WDFY4: variants seen among roughly 807,000 people sequenced by gnomAD.
The protein encoded by WDFY4 is WDFY family member 4.
In WDFY4, 169 loss-of-function variants were observed where a neutral mutation model predicts 351.9. The observed-to-expected ratio is 0.48, with a 90% CI of 0.42 to 0.55. The LOEUF is 0.55. Ranked by LOEUF, WDFY4 falls within the 20% of genes least tolerant of loss-of-function variation. The probability of loss-of-function intolerance (pLI) is 0.00; values close to 1 mark genes in which losing one functional copy is unlikely to be tolerated. For missense variants in WDFY4, 3,803 were observed against 3,935.6 expected (o/e 0.97, Z 0.90); for synonymous variants, 1,622 against 1,574.6 (o/e 1.03, Z -0.71).
intron 5 of WDFY4, among the ~76,000 whole-genome samples, chr10:48,724,365 C>T (rs549485655): frequency 1.8e-4 from 27 of 152,272 alleles, no homozygotes; most frequent in Admixed American, 7.8e-4. Context: ...GACGAATTCC[C>T]AAGCCCATTC....
intron 39 of WDFY4, among the ~76,000 whole-genome samples, chr10:48,837,005 A>G (rs1436014775): frequency 1.3e-5 from 2 of 152,224 alleles, no homozygotes; most frequent in African/African-American, 4.8e-5. Context: ...TTTGACAGGT[A>G]CACCATGGCA....
chr10:48,933,125 G>A (rs1202391966), intron 47 of WDFY4, among the ~76,000 whole-genome samples: 1 of 152,196 alleles, frequency 6.6e-6, no homozygotes, highest in African/African-American at 2.4e-5. Context: ...GAGGGACCAT[G>A]TGGATCCAGG....
Position 48,976,916 on chromosome 10 carries a change from G to A in WDFY4, c.9228G>A (p.Met3076Ile), listed in dbSNP as rs1392592072. The change falls in exon 59 of 62, where the codon ATG (methionine) becomes ATA (isoleucine). Residue 3076 changes from methionine to isoleucine, a missense_variant. Physicochemically the swap from Met to Ile is conservative, Grantham distance 10. Transcript: ENST00000325239. ...PEGAITCCCLMEGPAWDTSQI... is the reference protein window; with the variant it reads ...PEGAITCCCLIEGPAWDTSQI... Reference sequence around the variant, plus strand: ...GAGCCATAACCTGCTGCTGCCTGATGGAGGGCCCAGCATGGGACACAAGCC... The same window carrying A: ...GAGCCATAACCTGCTGCTGCCTGATAGAGGGCCCAGCATGGGACACAAGCC... 3 of 1,537,544 alleles carry A rather than the reference G, an allele frequency of 2.0e-6. No individual in the cohort carries two copies. Among genetic ancestry groups the A allele is most frequent in the Non-Finnish European group, 2.6e-6 (3 of 1,139,030 alleles).
chr10:48,830,960 A>G (rs1315522586), intron 38 of WDFY4, 75 bp downstream of exon 38: 1 of 1,440,396 alleles, frequency 6.9e-7, no homozygotes, highest in Non-Finnish European at 9.4e-7. Flanking sequence ...GGTTCAACTC[A>G]GTGCCTAGAG....
At chr10:48,711,026 G>A (rs1321358312) in intron 2 of WDFY4, among the ~76,000 whole-genome samples, 1 of 152,330 alleles carries the variant, frequency 6.6e-6, no homozygotes. Context: ...TCAAAGCAGA[G>A]AGAACAAGAG....
chr10:48,724,950 A>G (rs1167619885), intron 5 of WDFY4, among the ~76,000 whole-genome samples: 1 of 152,186 alleles, frequency 6.6e-6, no homozygotes, highest in Non-Finnish European at 1.5e-5. Context: ...TTTTATTTGT[A>G]TGAGAGAAAT....
At position 48,982,754 on chromosome 10, in the gene WDFY4, C is replaced by T. The variant is rs1054553; in HGVS notation, c.*179C>T. 0.031 allele frequency: 20,279 copies of T among 644,998 alleles called. 421 individuals carry two copies. The highest frequency in any genetic ancestry group is 0.067 in the Middle Eastern group (265 of 3,984). 40.0% of individuals were successfully genotyped at this position (644,998 alleles called of 1,614,324 possible). A position where few individuals can be genotyped will look rare whatever the true frequency, so the allele number is the denominator to read the frequency against. ...CCAACCCTCTCCATGGCCGATGGGA[C>T]TTCTATGAAAAGGATGAGCACACAC... On this transcript the variant is annotated 3_prime_UTR_variant, in exon 62 of 62. Coordinates refer to ENST00000325239, the MANE Select transcript of WDFY4 (RefSeq NM_001394531.1).
At chr10:48,759,259 C>A (rs545320687) in intron 12 of WDFY4, among the ~76,000 whole-genome samples, 2 of 152,256 alleles carry the variant, frequency 1.3e-5, no homozygotes, top group East Asian at 3.9e-4. Context: ...GAACTCAGCC[C>A]AGAGGTTAAT....
At chr10:48,912,797 C>G (rs1338122321) in intron 47 of WDFY4, among the ~76,000 whole-genome samples, 1 of 152,214 alleles carries the variant, frequency 6.6e-6, no homozygotes, top group African/African-American at 2.4e-5. Context: ...GCTCATAGAG[C>G]AAGTTATGCA....
intron 10 of WDFY4, 50 bp from the exon 11 acceptor site, chr10:48,735,830 T>G (rs2064641243): frequency 1.7e-5 from 24 of 1,426,212 alleles, no homozygotes; most frequent in Non-Finnish European, 2.2e-5. Context: ...GAAACTGAAG[T>G]GGCAAGCTTC....
At chr10:48,980,805 C>G (rs969923164) in intron 60 of WDFY4, among the ~76,000 whole-genome samples, 4 of 152,200 alleles carry the variant, frequency 2.6e-5, no homozygotes, top group African/African-American at 9.7e-5. Context: ...GTCTCTCCAT[C>G]TCACCCTTCA....
intron 47 of WDFY4, among the ~76,000 whole-genome samples, chr10:48,932,062 C>T (rs1045966454): frequency 2.0e-5 from 3 of 152,220 alleles, no homozygotes; most frequent in Admixed American, 1.3e-4. Flanking sequence ...ATTGCCAACC[C>T]AGGTTTAGTC....
At chr10:48,872,980 T>G (rs1331308225) in intron 40 of WDFY4, among the ~76,000 whole-genome samples, 1 of 152,212 alleles carries the variant, frequency 6.6e-6, no homozygotes. Context: ...TGGGAGTCAC[T>G]TGCTCAAATC....
chr10:48,702,938 C>T (rs566236699), intron 1 of WDFY4, among the ~76,000 whole-genome samples: 1 of 152,220 alleles, frequency 6.6e-6, no homozygotes, highest in African/African-American at 2.4e-5. Context: ...GTCCTGGCAT[C>T]TTGTTTTAAT....
intron 39 of WDFY4, among the ~76,000 whole-genome samples, chr10:48,840,508 C>T (rs914491611): frequency 6.6e-6 from 1 of 151,790 alleles, no homozygotes; most frequent in Non-Finnish European, 1.5e-5. Context: ...CACACACACA[C>T]GTGTATATGC....
At chr10:48,904,541 G>A (rs552399196) in intron 47 of WDFY4, among the ~76,000 whole-genome samples, 1 of 152,258 alleles carries the variant, frequency 6.6e-6, no homozygotes, top group Admixed American at 6.5e-5. Context: ...AAGTCTGCAG[G>A]AAGTGGTGGC....
intron 52 of WDFY4, among the ~76,000 whole-genome samples, chr10:48,959,435 A>G (rs1841757236): frequency 6.6e-6 from 1 of 152,168 alleles, no homozygotes; most frequent in Non-Finnish European, 1.5e-5. Flanking sequence ...GTGCAGAGGA[A>G]GATATACCAC....
At chr10:48,844,707 C>T (rs1457349374) in intron 39 of WDFY4, among the ~76,000 whole-genome samples, 11 of 152,178 alleles carry the variant, frequency 7.2e-5, no homozygotes, top group African/African-American at 2.2e-4. Flanking sequence ...TTAAGATCTT[C>T]GAATCAAATG....
At chr10:48,883,788 G>A (rs1034255806) in intron 43 of WDFY4, among the ~76,000 whole-genome samples, 2 of 152,210 alleles carry the variant, frequency 1.3e-5, no homozygotes, top group Non-Finnish European at 2.9e-5. Flanking sequence ...TGGTGGTGCC[G>A]GGGCTAGGGT....
Sources: allele counts gnomAD v4.1 joint callset (sites outside exome capture counted in the v4.1 genomes callset), GRCh38; gene constraint gnomAD v4.1.1; transcripts MANE v1.5; gene names NCBI Gene and HGNC (gene_info 2026-07-23, HGNC 2026-07-21).